The following CDH4 variants were observed in gnomAD, a reference collection of about 807,000 sequenced individuals.
CDH4 encodes the protein cadherin-4.
CDH4 carries 33 observed loss-of-function variants against 86.0 expected under a neutral mutation model. The observed-to-expected ratio is 0.38, with a 90% CI of 0.29 to 0.51. The LOEUF is 0.51. CDH4 is among the 20% of genes least tolerant of loss of function. The probability of loss-of-function intolerance (pLI) is 0.86; values close to 1 mark genes in which losing one functional copy is unlikely to be tolerated. For synonymous variants in CDH4, 555 were observed against 549.4 expected (o/e 1.01, Z -0.14); for missense variants, 1,114 against 1,307.4 (o/e 0.85, Z 2.28).
At chr20:61,484,360 C>T (rs1221089146) in intron 2 of CDH4, among the ~76,000 whole-genome samples, 1 of 152,226 alleles carries the variant, frequency 6.6e-6, no homozygotes, top group Non-Finnish European at 1.5e-5. Context: ...TCCCTAAAGC[C>T]TCTGCAGACA....
chr20:61,702,039 C>T (rs1044939623), intron 2 of CDH4, among the ~76,000 whole-genome samples: 1 of 152,188 alleles, frequency 6.6e-6, no homozygotes, highest in African/African-American at 2.4e-5. Flanking sequence ...TAAAGCCCCT[C>T]TTCACCGAAG....
At chr20:61,360,950 A>C (rs917998052) in intron 2 of CDH4, among the ~76,000 whole-genome samples, 17 of 152,184 alleles carry the variant, frequency 1.1e-4, no homozygotes, top group African/African-American at 3.9e-4. Flanking sequence ...ATGAAAATGT[A>C]GCAGGAGGAG....
intron 2 of CDH4, among the ~76,000 whole-genome samples, chr20:61,618,659 T>C (rs2086745275): frequency 6.6e-6 from 1 of 152,200 alleles, no homozygotes; most frequent in Non-Finnish European, 1.5e-5. Flanking sequence ...GCTGGGCAGA[T>C]GGATCTCAGA....
At chr20:61,298,532 C>T (rs1348410321) in intron 2 of CDH4, among the ~76,000 whole-genome samples, 1 of 152,092 alleles carries the variant, frequency 6.6e-6, no homozygotes, top group Admixed American at 6.5e-5. Context: ...CATGCACAAC[C>T]ACACACCCCG....
chr20:61,902,581 A>G lies in CDH4; in HGVS notation c.1188+7534A>G, dbSNP rs1419620960. Among the ~76,000 whole-genome samples, 1 of 152,220 alleles carries G rather than the reference A, an allele frequency of 6.6e-6. No homozygotes were observed. The highest frequency in any genetic ancestry group is 1.5e-5 in the Non-Finnish European group (1 of 68,034). On this transcript the variant is annotated intron_variant, in intron 8 of 15. Transcript: ENST00000614565. The surrounding 1 kb of genome is among the most constrained non-coding windows in gnomAD (Gnocchi z 4.6). The stretch of plus-strand genomic sequence containing the variant: ...AAATGTTTGCGCTTTGGCTGCCGGA[A>G]GGTCTCCGTGGCAACTCCGAAACTC...
In CDH4 at chr20:61,342,877, C is replaced by T. The variant is rs572073042; in HGVS notation, c.169+87940C>T. ...TGCTCTGTTTTAAAGTTCTGTGCGGCGATTATAGCCAGACATAAAGGTGGC... is the reference window on the plus strand; with the variant it reads ...TGCTCTGTTTTAAAGTTCTGTGCGGTGATTATAGCCAGACATAAAGGTGGC... On this transcript the variant is annotated intron_variant, in intron 2 of 15. Coordinates refer to ENST00000614565, the MANE Select transcript of CDH4 (RefSeq NM_001794.5). Among the ~76,000 whole-genome samples, 5 of 152,304 alleles carry T rather than the reference C, an allele frequency of 3.3e-5. No individual in the cohort carries two copies. In the South Asian group the frequency reaches 8.3e-4, roughly 25 times the overall value.
chr20:61,846,121 G>A (rs977402641), intron 5 of CDH4, among the ~76,000 whole-genome samples: 3 of 152,344 alleles, frequency 2.0e-5, no homozygotes, highest in Admixed American at 6.5e-5. Context: ...AAGCAGGGTC[G>A]GAGCTGGATG....
chr20:61,739,991 C>T (rs2088313647), intron 2 of CDH4, among the ~76,000 whole-genome samples: 1 of 152,190 alleles, frequency 6.6e-6, no homozygotes, highest in African/African-American at 2.4e-5. Flanking sequence ...CCGACACCCA[C>T]ACATACATGG....
At position 61,879,629 on chromosome 20, in the gene CDH4, C is replaced by T. The variant is rs1038973394; in HGVS notation, c.1050+5729C>T. Among the ~76,000 whole-genome samples, 1 of 152,168 alleles carries T rather than the reference C, an allele frequency of 6.6e-6. No individual in the cohort carries two copies. Among genetic ancestry groups the T allele is most frequent in the Non-Finnish European group, 1.5e-5 (1 of 68,038 alleles). On this transcript the variant is annotated intron_variant, in intron 7 of 15. Coordinates refer to ENST00000614565, the MANE Select transcript of CDH4 (RefSeq NM_001794.5). The surrounding 1 kb of genome is among the most constrained non-coding windows in gnomAD (Gnocchi z 4.1). Reference sequence around the variant, plus strand: ...GTTCAAGTGTCTCTCGTGTACCAGCCGAAGATGCCCCACTTGCTAATCCTA... The same window carrying T: ...GTTCAAGTGTCTCTCGTGTACCAGCTGAAGATGCCCCACTTGCTAATCCTA...
intron 2 of CDH4, among the ~76,000 whole-genome samples, chr20:61,723,864 G>A (rs938082067): frequency 5.3e-5 from 8 of 152,180 alleles, no homozygotes; most frequent in Admixed American, 4.6e-4. Flanking sequence ...AGCGGCTGGC[G>A]GCTCCATGCG....
At chr20:61,839,717 G>A (rs368186760) in intron 4 of CDH4, among the ~76,000 whole-genome samples, 1 of 151,544 alleles carries the variant, frequency 6.6e-6, no homozygotes, top group African/African-American at 2.4e-5. Context: ...ATGCGTTTGT[G>A]TATTGAGTGT....
chr20:61,253,625 C>A (rs1385814532), intron 1 of CDH4, among the ~76,000 whole-genome samples: 1 of 152,188 alleles, frequency 6.6e-6, no homozygotes, highest in Non-Finnish European at 1.5e-5. Flanking sequence ...AGCCTCCCAC[C>A]GGGCTGCGGG....
chr20:61,553,577 T>G (rs1395479664), intron 2 of CDH4, among the ~76,000 whole-genome samples: 1 of 152,250 alleles, frequency 6.6e-6, no homozygotes, highest in Admixed American at 6.5e-5. Context: ...GGTCCGATTG[T>G]TGGGTCATAG....
chr20:61,794,499 C>T (rs930587627), intron 4 of CDH4, among the ~76,000 whole-genome samples: 4 of 152,182 alleles, frequency 2.6e-5, no homozygotes, highest in African/African-American at 9.7e-5. Flanking sequence ...GCATTTTCAG[C>T]CTGTCAAGTG....
Position 61,367,667 on chromosome 20 carries a change from A to G in CDH4, c.169+112730A>G, listed in dbSNP as rs141435501. On this transcript the variant is annotated intron_variant, in intron 2 of 15. Transcript: ENST00000614565. The stretch of plus-strand genomic sequence containing the variant: ...GAAGTAAATAGAGGAGAAAGGAGGA[A>G]CAGCACTTTCTTGCGGCAAAATGTC... Among the ~76,000 whole-genome samples, 448 of 152,282 alleles carry G rather than the reference A, an allele frequency of 2.9e-3. 1 individual carries two copies. Among genetic ancestry groups the G allele is most frequent in the South Asian group, 9.6e-3 (46 of 4,816 alleles).
At chr20:61,656,336 G>GGTGGGTAGGCGCGTGCTGAA (rs1380556748) in intron 2 of CDH4, among the ~76,000 whole-genome samples, 1 of 143,930 alleles carries the variant, frequency 6.9e-6, no homozygotes, top group Non-Finnish European at 1.5e-5. Context: ...CGCGTGCTGG[G>GGTGGGTAGGCGCGTGCTGAA]GTGGGTAGGC....
At chr20:61,779,974 C>T (rs917161441) in intron 4 of CDH4, among the ~76,000 whole-genome samples, 4 of 152,198 alleles carry the variant, frequency 2.6e-5, no homozygotes, top group African/African-American at 9.7e-5. Context: ...ACCCACTTTC[C>T]AATACTCTAA....
At chr20:61,303,455 C>G (rs1185875581) in intron 2 of CDH4, among the ~76,000 whole-genome samples, 1 of 63,374 alleles carries the variant, frequency 1.6e-5, no homozygotes, top group Non-Finnish European at 3.9e-5. Flanking sequence ...TGGCCCTGCT[C>G]TTGCCATTTT....
intron 2 of CDH4, among the ~76,000 whole-genome samples, chr20:61,413,758 A>G (rs2085132749): frequency 6.6e-6 from 1 of 151,992 alleles, no homozygotes; most frequent in Admixed American, 6.5e-5. Context: ...TACAAAAGCA[A>G]TTTCTTGGTG....
Sources: gnomAD v4.1 joint callset for allele counts (sites outside exome capture counted in the v4.1 genomes callset) on GRCh38, gnomAD v4.1.1 for gene constraint, Gnocchi (gnomAD v3.1) non-coding constraint, MANE v1.5 for transcripts, NCBI Gene and HGNC (gene_info 2026-07-23, HGNC 2026-07-21) for gene names.